Variants in CNOT6L observed in about 807,000 individuals in gnomAD.
The protein encoded by CNOT6L is CCR4-NOT transcription complex subunit 6-like.
CNOT6L carries 7 observed loss-of-function variants against 64.0 expected under a neutral mutation model. The observed-to-expected ratio is 0.11, with a 90% confidence interval of 0.06 to 0.21. The LOEUF is 0.21. CNOT6L is among the 10% of genes least tolerant of loss of function. The pLI is 1.00. For synonymous variants in CNOT6L, 193 were observed against 243.4 expected, an observed-to-expected ratio of 0.79 and a Z score of 1.93; for missense variants, 245 against 669.0, an observed-to-expected ratio of 0.37 and a Z score of 6.99.
At position 77,720,031 on chromosome 4, in the gene CNOT6L, C is replaced by T. The variant is rs1156619820; in HGVS notation, c.*400G>A. ...GCATATCATCATTCAGTTTAAAATA[C>T]TGTATTTATAGTTTTTAAAAATTGC... On this transcript the variant is annotated 3_prime_UTR_variant, in exon 12 of 12. Coordinates refer to ENST00000504123, the MANE Select transcript of CNOT6L (RefSeq NM_144571.3). 6.2e-6 allele frequency: 1 copy of T among 161,566 alleles called. No homozygotes were observed. Among genetic ancestry groups the T allele is most frequent in the African/African-American group, 2.4e-5 (1 of 41,496 alleles). 10.0% of individuals were successfully genotyped at this position (161,566 alleles called of 1,614,324 possible). A position where few individuals can be genotyped will look rare whatever the true frequency, so the allele number is the denominator to read the frequency against.
At chr4:77,721,864 C>G (rs1395447689) in intron 11 of CNOT6L, among the ~76,000 whole-genome samples, 1 of 151,852 alleles carries the variant, frequency 6.6e-6, no homozygotes, top group Non-Finnish European at 1.5e-5. Flanking sequence ...CCCAGCTACT[C>G]GGAAGGCTGA....
chr4:77,733,835 T>C (rs943565559), intron 8 of CNOT6L, among the ~76,000 whole-genome samples: 1 of 152,060 alleles, frequency 6.6e-6, no homozygotes, highest in Non-Finnish European at 1.5e-5. Flanking sequence ...TATCTGACAA[T>C]AGATGTCAAT....
intron 8 of CNOT6L, among the ~76,000 whole-genome samples, chr4:77,735,492 G>A (rs1373912805): frequency 3.3e-5 from 5 of 152,020 alleles, no homozygotes; most frequent in Non-Finnish European, 7.4e-5. Flanking sequence ...GATTACCTTT[G>A]CCAGTTCTCT....
At chr4:77,729,525 A>G (rs1008322557) in intron 9 of CNOT6L, among the ~76,000 whole-genome samples, 1 of 152,226 alleles carries the variant, frequency 6.6e-6, no homozygotes, top group East Asian at 1.9e-4. Flanking sequence ...ATATTAACCT[A>G]TATAAGATAA....
In CNOT6L at chr4:77,737,664, C is replaced by T. The variant is rs568031109; in HGVS notation, c.872+4477G>A. 1.2e-3 allele frequency among the ~76,000 whole-genome samples: 188 copies of T among 152,062 alleles called. 1 individual carries two copies. Among genetic ancestry groups the T allele is most frequent in the African/African-American group, 9.6e-4 (40 of 41,484 alleles). ...TTAACTCCTGACCTTGTGATCTACC[C>T]GCCTCAGACTCCCAAAGTGCTGCCA... On this transcript the variant is annotated intron_variant, in intron 8 of 11. Coordinates refer to ENST00000504123, the MANE Select transcript of CNOT6L (RefSeq NM_144571.3).
chr4:77,753,800 T>C (rs1725135350), intron 5 of CNOT6L, among the ~76,000 whole-genome samples: 1 of 149,866 alleles, frequency 6.7e-6, no homozygotes, highest in African/African-American at 2.5e-5. Context: ...TGGTATAACA[T>C]ACAAAAAAAC....
chr4:77,730,267 C>T (rs1298863180), intron 9 of CNOT6L, among the ~76,000 whole-genome samples: 1 of 152,034 alleles, frequency 6.6e-6, no homozygotes, highest in East Asian at 1.9e-4. Flanking sequence ...GCAATTTGAT[C>T]ATAAATGTCT....
intron 4 of CNOT6L, among the ~76,000 whole-genome samples, chr4:77,771,225 A>T (rs1350958932): frequency 6.6e-6 from 1 of 152,178 alleles, no homozygotes; most frequent in African/African-American, 2.4e-5. Flanking sequence ...AGGCAGGAGA[A>T]TCACTTGAAC....
In CNOT6L at chr4:77,715,776, T is replaced by A. The variant is rs949048639; in HGVS notation, c.*4655A>T. 2 of 152,380 alleles carry A rather than the reference T, an allele frequency of 1.3e-5. No homozygotes were observed. The highest frequency in any genetic ancestry group is 4.8e-5 in the African/African-American group (2 of 41,432). 9.4% of individuals were successfully genotyped at this position (152,380 alleles called of 1,614,324 possible). ...GGCTGCTTCTTTTTTACCCTCAAGC[T>A]TTTAGGTGACACTTATAAAGGTGAG... On this transcript the variant is annotated 3_prime_UTR_variant, in exon 12 of 12. Transcript: ENST00000504123.
intron 1 of CNOT6L, among the ~76,000 whole-genome samples, chr4:77,808,310 A>C (rs910703881): frequency 6.6e-6 from 1 of 151,310 alleles, no homozygotes; most frequent in African/African-American, 2.4e-5. Context: ...AAAAATACAA[A>C]AATTAGCCGG....
At position 77,759,642 on chromosome 4, in the gene CNOT6L, A is replaced by C. The variant is rs551432744; in HGVS notation, c.401-2691T>G. On this transcript the variant is annotated intron_variant, in intron 4 of 11. Coordinates refer to ENST00000504123, the MANE Select transcript of CNOT6L (RefSeq NM_144571.3). ...TCAAAAGAATAAACAGGAGAATGAC[A>C]AGTGTCAGCAGCGACAACAGGAGCT... 8.5e-5 allele frequency among the ~76,000 whole-genome samples: 13 copies of C among 152,260 alleles called. No individual in the cohort carries two copies. In the South Asian group the frequency reaches 2.7e-3, roughly 32 times the overall value.
intron 1 of CNOT6L, among the ~76,000 whole-genome samples, chr4:77,803,005 AAGGCAAAG>A (rs1184019534): frequency 6.6e-6 from 1 of 152,234 alleles, no homozygotes; most frequent in East Asian, 1.9e-4. Context: ...TAATGTCTAT[AAGGCAAAG>A]AGCAAAGTCA....
chr4:77,817,665 C>G (rs1373039446), intron 1 of CNOT6L, among the ~76,000 whole-genome samples: 1 of 152,230 alleles, frequency 6.6e-6, no homozygotes, highest in Admixed American at 6.5e-5. Flanking sequence ...AAGTCCTTTT[C>G]CCACTAACTA....
chr4:77,725,740 G>A (rs1721779634), intron 11 of CNOT6L, among the ~76,000 whole-genome samples: 2 of 152,070 alleles, frequency 1.3e-5, no homozygotes, highest in South Asian at 2.1e-4. Flanking sequence ...AGAAAATCTT[G>A]AGAAAATACT....
chr4:77,819,824 T>A (rs1298520052), upstream of CNOT6L, among the ~76,000 whole-genome samples: 1 of 149,648 alleles, frequency 6.7e-6, no homozygotes, highest in East Asian at 2.0e-4. Flanking sequence ...GGAAGGCGGC[T>A]GAAGGGAGCG....
At chr4:77,755,839 T>G (rs1279044209) in intron 5 of CNOT6L, among the ~76,000 whole-genome samples, 1 of 152,156 alleles carries the variant, frequency 6.6e-6, no homozygotes, top group Admixed American at 6.5e-5. Context: ...TTCAGAATTC[T>G]GTTATTTCAG....
At chr4:77,774,463 T>C in intron 3 of CNOT6L, 67 bp downstream of exon 3, 1 of 1,256,544 alleles carries the variant, frequency 8.0e-7, no homozygotes, top group Non-Finnish European at 1.1e-6. Context: ...TGTAATAAAG[T>C]AACATCCCCT....
intron 1 of CNOT6L, among the ~76,000 whole-genome samples, chr4:77,818,593 T>C (rs944614678): frequency 6.6e-6 from 1 of 152,218 alleles, no homozygotes; most frequent in African/African-American, 2.4e-5. Flanking sequence ...TCTGATTCAC[T>C]TTCCTCCCTC....
At chr4:77,779,479 G>A (rs1041670927) in intron 1 of CNOT6L, among the ~76,000 whole-genome samples, 2 of 151,690 alleles carry the variant, frequency 1.3e-5, no homozygotes, top group African/African-American at 2.4e-5. Flanking sequence ...TATAGAACTA[G>A]ATTTCTATTT....
Sources: allele counts gnomAD v4.1 joint callset (sites outside exome capture counted in the v4.1 genomes callset), GRCh38; gene constraint gnomAD v4.1.1; transcripts MANE v1.5; gene names NCBI Gene and HGNC (gene_info 2026-07-23, HGNC 2026-07-21).